Variants in ZNFX1 observed in about 807,000 individuals in gnomAD.
ZNFX1 encodes the protein NFX1-type zinc finger-containing protein 1.
Under a neutral mutation model 179.8 loss-of-function variants are expected in ZNFX1, and 78 were observed. The ratio of observed to expected loss-of-function variants is 0.43; its 90% confidence interval spans 0.36 to 0.52. The LOEUF (loss-of-function observed/expected upper bound fraction) is 0.52. Ranked by LOEUF, ZNFX1 falls within the 20% of genes least tolerant of loss-of-function variation. The probability of loss-of-function intolerance (pLI) is 0.00; values close to 1 mark genes in which losing one functional copy is unlikely to be tolerated. For synonymous variants in ZNFX1, 848 were observed against 868.5 expected, an observed-to-expected ratio of 0.98 and a Z score of 0.42; for missense variants, 1,927 against 2,386.6, an observed-to-expected ratio of 0.81 and a Z score of 4.01.
intron 6 of ZNFX1, among the ~76,000 whole-genome samples, chr20:49,261,978 C>A (rs1029128755): frequency 3.3e-5 from 5 of 151,130 alleles, no homozygotes. Context: ...CGTAACAAAC[C>A]TGCACACGTA....
At position 49,248,199 on chromosome 20, in the gene ZNFX1, C is replaced by T; in HGVS notation, c.4825G>A (p.Asp1609Asn). The T allele has an allele frequency of 3.1e-6, 5 of 1,614,156 alleles. No homozygotes were observed. The highest frequency in any genetic ancestry group is 4.2e-6 in the Non-Finnish European group (5 of 1,180,026). The change falls in exon 14 of 14, where the codon GAT (aspartate) becomes AAT (asparagine). Residue 1609 changes from aspartate to asparagine, a missense_variant. Coordinates refer to ENST00000396105, the MANE Select transcript of ZNFX1 (RefSeq NM_021035.3). The surrounding 1 kb of genome is among the most constrained non-coding windows in gnomAD (Gnocchi z 4.6). Reference protein sequence around the residue: ...ALDRYMNEQKDDEVAIRLKVC... With the variant: ...ALDRYMNEQKNDEVAIRLKVC... ...TTCAATCTGATGGCGACTTCATCAT[C>T]CTTCTGTTCATTCATGTAGCGGTCT...
At chr20:49,255,482 T>G (rs1393926392) in intron 9 of ZNFX1, among the ~76,000 whole-genome samples, 1 of 111,826 alleles carries the variant, frequency 8.9e-6, no homozygotes, top group Non-Finnish European at 2.1e-5. Flanking sequence ...TCATTGTGCC[T>G]GTTACCTCTC....
Position 49,247,424 on chromosome 20 carries a change from C to G in ZNFX1, c.5600G>C (p.Gly1867Ala). ...CACTTCCTTACAGTCAGGACACGTG[C>G]CCCTCTCCATGGCTCCCCCACAATC... ...IGDCGGAMERGTCPDCKEVIG... is the reference protein window; with the variant it reads ...IGDCGGAMERATCPDCKEVIG... Residue 1867 changes from glycine (G) to alanine (A), a missense_variant, in exon 14 of 14, where the codon GGC becomes GCC. Transcript: ENST00000396105. 6.2e-7 allele frequency: 1 copy of G among 1,614,182 alleles called. No individual in the cohort carries two copies. The highest frequency in any genetic ancestry group is 2.2e-5 in the East Asian group (1 of 44,880).
intron 5 of ZNFX1, 59 bp downstream of exon 5, chr20:49,264,657 C>T: frequency 6.3e-7 from 1 of 1,588,812 alleles, no homozygotes; most frequent in Non-Finnish European, 8.6e-7. Flanking sequence ...CAGAAAGCCA[C>T]TGCTATCTTG....
At position 49,255,791 on chromosome 20, in the gene ZNFX1, G is replaced by A; in HGVS notation, c.2804+17C>T. The A allele has an allele frequency of 6.2e-7, 1 of 1,600,186 alleles. No individual in the cohort carries two copies. The highest frequency in any genetic ancestry group is 8.5e-7 in the Non-Finnish European group (1 of 1,172,138). On this transcript the variant is annotated intron_variant, in intron 9 of 13. Transcript: ENST00000396105. ...AGGAACTCCCTACATGGGTTGGCTA[G>A]ATGTGGAACACAGTACCTATAAAGC...
At chr20:49,250,744 G>T (rs1366485414) in intron 13 of ZNFX1, among the ~76,000 whole-genome samples, 2 of 152,006 alleles carry the variant, frequency 1.3e-5, no homozygotes, top group African/African-American at 4.8e-5. Context: ...TAGAGACGGG[G>T]TTTCACCATG....
chr20:49,248,679 A>G lies in ZNFX1; in HGVS notation c.4345T>C (p.Cys1449Arg). The change falls in exon 14 of 14, where the codon TGC (cysteine) becomes CGC (arginine). Residue 1449 changes from cysteine (C) to arginine (R), a missense_variant. Physicochemically the swap from Cys to Arg is radical, Grantham distance 180. Transcript: ENST00000396105. This position sits in a 1 kb window ranked among gnomAD's most constrained non-coding sequence, Gnocchi z 4.6. ...AAACGCCCTTCGAAGCAGCTGTGGC[A>G]GGAGCCTGGGCAAGGATGCCCGCAG... ...LDCGHPCPGSCHSCFEGRFHE... is the reference protein window; with the variant it reads ...LDCGHPCPGSRHSCFEGRFHE... 6.2e-7 allele frequency: 1 copy of G among 1,613,128 alleles called. No homozygotes were observed. The highest frequency in any genetic ancestry group is 8.5e-7 in the Non-Finnish European group (1 of 1,180,042).
chr20:49,258,694 T>C (rs1366631515), intron 7 of ZNFX1, among the ~76,000 whole-genome samples: 1 of 151,888 alleles, frequency 6.6e-6, no homozygotes, highest in Non-Finnish European at 1.5e-5. Flanking sequence ...TATTTCTAGC[T>C]ACCTGGGAGG....
chr20:49,271,109 C>T lies in ZNFX1; in HGVS notation c.703G>A (p.Asp235Asn). The change falls in exon 3 of 14, where the codon GAC (aspartate) becomes AAC (asparagine). Residue 235 changes from aspartate (D) to asparagine (N), a missense_variant. Asp to Asn is a conservative substitution (Grantham distance 23). Coordinates refer to ENST00000396105, the MANE Select transcript of ZNFX1 (RefSeq NM_021035.3). Reference sequence around the variant, plus strand: ...TGCTCTGGATACTGGTTTCGGATGTCAGGGATGGGTTCAGTGATCATCCCT... The same window carrying T: ...TGCTCTGGATACTGGTTTCGGATGTTAGGGATGGGTTCAGTGATCATCCCT... ...VVGMITEPIP[D>N]IRNQYPEHIS... is the part of the protein sequence containing the mutation. 6.2e-7 allele frequency: 1 copy of T among 1,614,106 alleles called. No homozygotes were observed. Among genetic ancestry groups the T allele is most frequent in the Non-Finnish European group, 8.5e-7 (1 of 1,180,030 alleles).
At position 49,246,207 on chromosome 20, in the gene ZNFX1, A is replaced by C. The variant is rs985039062; in HGVS notation, c.*1060T>G. On this transcript the variant is annotated 3_prime_UTR_variant, in exon 14 of 14. Coordinates refer to ENST00000396105, the MANE Select transcript of ZNFX1 (RefSeq NM_021035.3). ...TGCTGCTGGTACCAAATGTGATTTT[A>C]GCTCCATTCAGGGCCCAGGGGTAAC... 6.6e-6 allele frequency: 1 copy of C among 152,224 alleles called. No individual in the cohort carries two copies. The highest frequency in any genetic ancestry group is 6.5e-5 in the Admixed American group (1 of 15,270). The allele number at this position is 152,224 out of a possible 1,614,324, so 9.4% of individuals were successfully genotyped here.
At chr20:49,259,907 T>C (rs1479330622) in intron 7 of ZNFX1, among the ~76,000 whole-genome samples, 1 of 152,232 alleles carries the variant, frequency 6.6e-6, no homozygotes, top group Non-Finnish European at 1.5e-5. Flanking sequence ...TATGATAAAG[T>C]GGTTATGTAA....
At position 49,246,929 on chromosome 20, in the gene ZNFX1, CATG is replaced by C; in HGVS notation, c.*335_*337del. 2.1e-6 allele frequency: 1 copy of C among 466,080 alleles called. No homozygotes were observed. 28.9% of individuals were successfully genotyped at this position (466,080 alleles called of 1,614,324 possible). A position where few individuals can be genotyped will look rare whatever the true frequency, so the allele number is the denominator to read the frequency against. On this transcript the variant is annotated 3_prime_UTR_variant, in exon 14 of 14. Transcript: ENST00000396105. ...TGTCGCCCAGACTGGAGTGCAATGGCATGATCTCAGCTCACTGCAACCTCCGCC... is the reference window on the plus strand; with the variant it reads ...TGTCGCCCAGACTGGAGTGCAATGGCATCTCAGCTCACTGCAACCTCCGCC...
In ZNFX1 at chr20:49,271,313, T is replaced by G; in HGVS notation, c.499A>C (p.Ser167Arg). The change falls in exon 3 of 14, where the codon AGT becomes CGT. Residue 167 changes from serine (S) to arginine (R), a missense_variant. Ser to Arg is a moderately radical substitution (Grantham distance 110). Transcript: ENST00000396105. The part of the protein sequence containing the change: ...PSEVVITLAT[S>R]LGLKELLSHS... ...GAAAGGAGCTCTTTCAGCCCTAAAC[T>G]TGTGGCAAGTGTGATGACCACCTCA... The G allele has an allele frequency of 6.2e-7, 1 of 1,614,164 alleles. No individual in the cohort carries two copies. The highest frequency in any genetic ancestry group is 2.2e-5 in the East Asian group (1 of 44,886).
intron 5 of ZNFX1, 55 bp from the exon 6 acceptor site, chr20:49,263,538 C>T (rs1981165987): frequency 2.0e-5 from 31 of 1,545,266 alleles, no homozygotes; most frequent in Non-Finnish European, 2.7e-5. Flanking sequence ...CCCCCAAACT[C>T]AGTCCTCACC....
At position 49,253,727 on chromosome 20, in the gene ZNFX1, T is replaced by C. The variant is rs1225448387; in HGVS notation, c.3044A>G (p.His1015Arg). The C allele has an allele frequency of 6.2e-7, 1 of 1,614,172 alleles. No individual in the cohort carries two copies. The highest frequency in any genetic ancestry group is 1.1e-5 in the South Asian group (1 of 91,088). Residue 1015 changes from histidine to arginine, a missense_variant, in exon 11 of 14, where the codon CAT becomes CGT. Transcript: ENST00000396105. ...VEEAAEVLEA[H>R]TIATLSKACQ... Reference sequence around the variant, plus strand: ...AGCTTTGCTCAATGTGGCAATGGTATGGGCCTCAAGGACTTCCGCAGCTTC... The same window carrying C: ...AGCTTTGCTCAATGTGGCAATGGTACGGGCCTCAAGGACTTCCGCAGCTTC...
In ZNFX1 at chr20:49,249,487, G is replaced by A. The variant is rs201256642; in HGVS notation, c.3537C>T (p.Val1179=). 1 of 1,614,268 alleles carries A rather than the reference G, an allele frequency of 6.2e-7. No individual in the cohort carries two copies. Among genetic ancestry groups the A allele is most frequent in the South Asian group, 1.1e-5 (1 of 91,086 alleles). ...KLMPAKTFAG[V]RVHVVDKYQG... ...GGTATTTGTCCACAACATGGACCCT[G>A]ACGCCAGCAAATGTCTTGGCAGGCA... Residue 1179 remains valine (V), a synonymous_variant, in exon 14 of 14, where the codon GTC becomes GTT. Transcript: ENST00000396105.
chr20:49,277,375 C>T (rs1431191451), intron 1 of ZNFX1, among the ~76,000 whole-genome samples: 1 of 122,428 alleles, frequency 8.2e-6, no homozygotes, highest in Non-Finnish European at 1.7e-5. Context: ...AGGGTGGTAG[C>T]GAGCACCAGG....
intron 9 of ZNFX1, among the ~76,000 whole-genome samples, chr20:49,254,923 G>A (rs145064750): frequency 6.6e-6 from 1 of 152,248 alleles, no homozygotes; most frequent in African/African-American, 2.4e-5. Flanking sequence ...AATTCTCCCA[G>A]CTGCAGCATC....
chr20:49,260,319 T>C (rs1230772034), intron 7 of ZNFX1, 144 bp downstream of exon 7: 1 of 457,934 alleles, frequency 2.2e-6, no homozygotes, highest in Admixed American at 4.3e-5. Flanking sequence ...ATTTTATCTC[T>C]TTTCCTTATA....
Sources: gnomAD v4.1 joint callset for allele counts (sites outside exome capture counted in the v4.1 genomes callset) on GRCh38, gnomAD v4.1.1 for gene constraint, Gnocchi (gnomAD v3.1) non-coding constraint, MANE v1.5 for transcripts, NCBI Gene and HGNC (gene_info 2026-07-23, HGNC 2026-07-21) for gene names.